GLRA3: variants seen among roughly 807,000 people sequenced by gnomAD.
GLRA3 encodes glycine receptor alpha 3, also known as glycine receptor subunit alpha-3.
In GLRA3, 44 loss-of-function variants were observed where a neutral mutation model predicts 60.4. That is an observed-to-expected ratio of 0.73 (90% confidence interval 0.57 to 0.94). GLRA3 has a LOEUF of 0.94. Among genes scored for constraint, GLRA3 ranks in the 40% least tolerant of loss-of-function variants. The pLI, the probability that GLRA3 is intolerant of heterozygous loss-of-function variation, is 0.00. For missense variants in GLRA3, 508 were observed against 564.6 expected (o/e 0.90, Z 1.02); for synonymous variants, 223 against 192.9 (o/e 1.16, Z -1.29).
At chr4:174,762,037 C>T (rs778899359) in intron 3 of GLRA3, among the ~76,000 whole-genome samples, 3 of 152,068 alleles carry the variant, frequency 2.0e-5, no homozygotes, top group Non-Finnish European at 4.4e-5. Flanking sequence ...TATGCTCCCA[C>T]AAAAAGATTC....
intron 2 of GLRA3, among the ~76,000 whole-genome samples, chr4:174,771,832 G>A (rs1385836): frequency 0.75 from 113,448 of 151,888 alleles, 42,725 homozygotes; most frequent in East Asian, 1. Context: ...ATTTTGTCTC[G>A]TCTTTTAAAT....
intron 1 of GLRA3, among the ~76,000 whole-genome samples, chr4:174,807,633 A>G (rs1740102171): frequency 1.3e-5 from 2 of 152,136 alleles, no homozygotes; most frequent in Non-Finnish European, 2.9e-5. Context: ...GAAGATTCTG[A>G]AAGATTTCCT....
intron 4 of GLRA3, among the ~76,000 whole-genome samples, chr4:174,716,330 A>G (rs1165587767): frequency 6.6e-6 from 1 of 152,244 alleles, no homozygotes; most frequent in African/African-American, 2.4e-5. Flanking sequence ...TAGATGCTGT[A>G]TACCAGTATT....
At chr4:174,741,139 GA>G (rs543233714) in intron 3 of GLRA3, among the ~76,000 whole-genome samples, 1 of 152,092 alleles carries the variant, frequency 6.6e-6, no homozygotes, top group Non-Finnish European at 1.5e-5. Flanking sequence ...TTTACATTTA[GA>G]AAAAAAGTGC....
intron 6 of GLRA3, among the ~76,000 whole-genome samples, chr4:174,680,360 C>T (rs76239294): frequency 0.019 from 2,833 of 152,078 alleles, 41 homozygotes; most frequent in Middle Eastern, 0.071. Context: ...ATAATACAAA[C>T]TTAGGGCAAT....
At chr4:174,707,957 T>C (rs1225319324) in intron 5 of GLRA3, among the ~76,000 whole-genome samples, 1 of 152,142 alleles carries the variant, frequency 6.6e-6, no homozygotes, top group Admixed American at 6.5e-5. Context: ...TGGTGTTGCA[T>C]AGGATGGAAT....
In GLRA3 at chr4:174,637,013, TAGAG is replaced by T. The variant is rs1280966744; in HGVS notation, c.*6769_*6772del. 6.6e-6 allele frequency: 1 copy of T among 152,204 alleles called. No individual in the cohort carries two copies. The highest frequency in any genetic ancestry group is 2.4e-5 in the African/African-American group (1 of 41,462). 9.4% of individuals were successfully genotyped at this position (152,204 alleles called of 1,614,324 possible). A position where few individuals can be genotyped will look rare whatever the true frequency, so the allele number is the denominator to read the frequency against. On this transcript the variant is annotated 3_prime_UTR_variant, in exon 10 of 10. Transcript: ENST00000274093. ...ACTGTTCACAGGTTAATGACTCTGA[TAGAG>T]AGTCTGTTAGTTGCAAAATTGAACT...
chr4:174,673,611 A>G (rs1304606719), intron 7 of GLRA3, among the ~76,000 whole-genome samples: 1 of 152,140 alleles, frequency 6.6e-6, no homozygotes, highest in Non-Finnish European at 1.5e-5. Context: ...CTGGAGGAAG[A>G]GAGCCAAGCA....
intron 3 of GLRA3, among the ~76,000 whole-genome samples, chr4:174,755,716 CA>C (rs1579557259): frequency 1.3e-5 from 2 of 151,950 alleles, no homozygotes; most frequent in East Asian, 3.9e-4. Flanking sequence ...GAAACTCTGA[CA>C]GAGAGATTAA....
At position 174,828,960 on chromosome 4, in the gene GLRA3, C is replaced by T. The variant is rs1244927334; in HGVS notation, c.-149G>A. On this transcript the variant is annotated 5_prime_UTR_variant, in exon 1 of 10. Coordinates refer to ENST00000274093, the MANE Select transcript of GLRA3 (RefSeq NM_006529.4). ...CTTCAGCACCTTAGACAGCTCCCCGCAGTATGCGGACCCCTTCTCAGCATT... is the reference window on the plus strand; with the variant it reads ...CTTCAGCACCTTAGACAGCTCCCCGTAGTATGCGGACCCCTTCTCAGCATT... 9.3e-6 allele frequency: 6 copies of T among 641,838 alleles called. No individual in the cohort carries two copies. The African/African-American group carries it at 1.1e-4, about 12-fold the overall frequency. 39.8% of individuals were successfully genotyped at this position (641,838 alleles called of 1,614,324 possible).
intron 1 of GLRA3, among the ~76,000 whole-genome samples, chr4:174,792,655 C>G (rs1025399243): frequency 1.3e-5 from 2 of 152,194 alleles, no homozygotes; most frequent in Admixed American, 6.5e-5. Context: ...TGTGCCCACA[C>G]TATTACTGAT....
intron 3 of GLRA3, 67 bp from the exon 4 acceptor site, chr4:174,728,765 T>A: frequency 6.1e-6 from 6 of 986,764 alleles, no homozygotes; most frequent in Non-Finnish European, 9.1e-6. Flanking sequence ...ATCCATAGTG[T>A]CAGTGTGGTG....
chr4:174,717,973 T>C (rs1055650506), intron 4 of GLRA3, among the ~76,000 whole-genome samples: 5 of 152,154 alleles, frequency 3.3e-5, no homozygotes, highest in African/African-American at 9.7e-5. Flanking sequence ...GCTCTCACCA[T>C]GCATGTGATG....
intron 2 of GLRA3, among the ~76,000 whole-genome samples, chr4:174,767,865 A>C (rs1412639811): frequency 6.6e-6 from 1 of 152,130 alleles, no homozygotes; most frequent in African/African-American, 2.4e-5. Flanking sequence ...TTGCAAGGAT[A>C]TGTTAGAGCT....
intron 4 of GLRA3, among the ~76,000 whole-genome samples, chr4:174,721,697 A>G (rs1736135417): frequency 6.6e-6 from 1 of 151,454 alleles, no homozygotes; most frequent in South Asian, 2.1e-4. Flanking sequence ...TTCCAGATAC[A>G]TATATATCTA....
intron 1 of GLRA3, among the ~76,000 whole-genome samples, chr4:174,795,132 C>T (rs1462476491): frequency 6.6e-6 from 1 of 151,522 alleles, no homozygotes; most frequent in Non-Finnish European, 1.5e-5. Flanking sequence ...ATAAATTTTC[C>T]TTGTTTATGC....
chr4:174,656,084 T>C (rs1237931271), intron 9 of GLRA3, among the ~76,000 whole-genome samples: 4 of 152,106 alleles, frequency 2.6e-5, no homozygotes, highest in Non-Finnish European at 5.9e-5. Context: ...TATTGCATAC[T>C]ATATTATGAA....
intron 6 of GLRA3, among the ~76,000 whole-genome samples, chr4:174,679,670 G>A (rs1734266739): frequency 6.6e-6 from 1 of 152,216 alleles, no homozygotes; most frequent in Non-Finnish European, 1.5e-5. Flanking sequence ...AAAATGTAGT[G>A]TATATACACA....
intron 3 of GLRA3, among the ~76,000 whole-genome samples, chr4:174,766,206 A>G (rs1273213895): frequency 6.6e-6 from 1 of 152,024 alleles, no homozygotes; most frequent in Non-Finnish European, 1.5e-5. Context: ...GAAGTATCAC[A>G]AACCATACTT....
Sources: gnomAD v4.1 joint callset for allele counts (sites outside exome capture counted in the v4.1 genomes callset) on GRCh38, gnomAD v4.1.1 for gene constraint, MANE v1.5 for transcripts, NCBI Gene and HGNC (gene_info 2026-07-23, HGNC 2026-07-21) for gene names.